The following NLGN1 variants were observed in gnomAD, a reference collection of about 807,000 sequenced individuals.
NLGN1 encodes the protein neuroligin-1.
A neutral mutation model predicts 65.5 loss-of-function variants in NLGN1; 12 were observed. The observed-to-expected ratio is 0.18, with a 90% CI of 0.12 to 0.30. The LOEUF is 0.30. Among genes scored for constraint, NLGN1 ranks in the 10% least tolerant of loss-of-function variants. NLGN1 has a pLI of 1.00. For synonymous variants in NLGN1, 350 were observed against 359.5 expected (o/e 0.97, Z 0.30); for missense variants, 750 against 1,007.1 (o/e 0.74, Z 3.46).
chr3:173,872,483 A>G (rs1731357097), intron 4 of NLGN1, among the ~76,000 whole-genome samples: 1 of 152,190 alleles, frequency 6.6e-6, no homozygotes, highest in East Asian at 1.9e-4. Flanking sequence ...TCTTGACAAA[A>G]CAAAGTTTTG....
intron 4 of NLGN1, among the ~76,000 whole-genome samples, chr3:174,164,241 TGAGAG>T (rs1727108787): frequency 1.3e-5 from 2 of 152,140 alleles, no homozygotes; most frequent in Non-Finnish European, 2.9e-5. Context: ...TGTCTTCTTT[TGAGAG>T]GTGTCTGTTC....
intron 4 of NLGN1, among the ~76,000 whole-genome samples, chr3:174,192,618 G>T (rs1450685514): frequency 6.6e-6 from 1 of 152,056 alleles, no homozygotes; most frequent in Non-Finnish European, 1.5e-5. Flanking sequence ...GTCCTGTCAC[G>T]ATTTACTGCT....
intron 2 of NLGN1, among the ~76,000 whole-genome samples, chr3:173,509,490 A>G (rs1192652729): frequency 3.3e-5 from 5 of 152,042 alleles, no homozygotes; most frequent in African/African-American, 2.4e-5. Flanking sequence ...GTGTGTGCCT[A>G]TAGTCTCTAC....
chr3:173,669,059 T>C, intron 3 of NLGN1, among the ~76,000 whole-genome samples: 1 of 152,220 alleles, frequency 6.6e-6, no homozygotes, highest in Admixed American at 6.5e-5. Flanking sequence ...ATGATTGTTA[T>C]GTTTGCATGC....
intron 3 of NLGN1, among the ~76,000 whole-genome samples, chr3:173,719,553 C>T (rs777626403): frequency 2.0e-5 from 3 of 152,044 alleles, no homozygotes; most frequent in African/African-American, 4.8e-5. Flanking sequence ...TGGGAGAAGG[C>T]GTCGTGTTGC....
chr3:173,542,921 A>G (rs1739138158), intron 2 of NLGN1, among the ~76,000 whole-genome samples: 2 of 152,100 alleles, frequency 1.3e-5, no homozygotes, highest in Non-Finnish European at 1.5e-5. Context: ...ACTGATGTCT[A>G]GAGTTCTGAG....
At chr3:174,076,718 AGAGAGAGTGTGTGT>A (rs1395156003) in intron 4 of NLGN1, among the ~76,000 whole-genome samples, 73 of 121,310 alleles carry the variant, frequency 6.0e-4, no homozygotes, top group African/African-American at 1.7e-3. Flanking sequence ...AGAGAGAGAG[AGAGAGAGTGTGTGT>A]GTGTGTGTGT....
In NLGN1 at chr3:173,813,386, A is replaced by C. The variant is rs543877479; in HGVS notation, c.646+5554A>C. 1.0e-3 allele frequency among the ~76,000 whole-genome samples: 156 copies of C among 152,332 alleles called. 1 individual carries two copies. Among genetic ancestry groups the C allele is most frequent in the African/African-American group, 3.4e-3 (143 of 41,570 alleles). On this transcript the variant is annotated intron_variant, in intron 4 of 6. Coordinates refer to ENST00000457714, the Ensembl canonical transcript of NLGN1. ...TTAAACAAATGTTAAATTTTATGCGATTGTAATATTCTACAACACATCCAA... is the reference window on the plus strand; with the variant it reads ...TTAAACAAATGTTAAATTTTATGCGCTTGTAATATTCTACAACACATCCAA...
intron 3 of NLGN1, among the ~76,000 whole-genome samples, chr3:173,671,229 G>A (rs1762403616): frequency 1.3e-5 from 2 of 152,208 alleles, no homozygotes; most frequent in Non-Finnish European, 2.9e-5. Flanking sequence ...GCCCAGGCAT[G>A]GTGGCTGAGG....
chr3:173,551,639 C>T (rs1275298086), intron 2 of NLGN1, among the ~76,000 whole-genome samples: 1 of 152,140 alleles, frequency 6.6e-6, no homozygotes, highest in East Asian at 1.9e-4. Context: ...TAATTACTTG[C>T]TTCAAGAGAA....
chr3:174,220,285 CTGAG>C (rs1738396499), intron 4 of NLGN1, among the ~76,000 whole-genome samples: 1 of 152,212 alleles, frequency 6.6e-6, no homozygotes, highest in Middle Eastern at 3.4e-3. Context: ...ATCAGATAAA[CTGAG>C]TGGACCAATA....
intron 2 of NLGN1, among the ~76,000 whole-genome samples, chr3:173,534,492 T>A (rs929385558): frequency 1.3e-5 from 2 of 152,158 alleles, no homozygotes; most frequent in African/African-American, 4.8e-5. Context: ...CATGGCACTT[T>A]GCTTATGCCG....
intron 4 of NLGN1, among the ~76,000 whole-genome samples, chr3:174,113,089 A>G (rs2152623337): frequency 6.6e-6 from 1 of 152,098 alleles, no homozygotes; most frequent in African/African-American, 2.4e-5. Flanking sequence ...AAGGAAGAAG[A>G]GGCTACTTAA....
At chr3:174,286,231 C>T (rs1418793431) in exon 7 of NLGN1, 4 of 151,352 alleles carry the variant, frequency 2.6e-5, no homozygotes, top group Non-Finnish European at 5.9e-5. Context: ...TTACAAATGA[C>T]ATTGTATAAC....
At position 174,212,036 on chromosome 3, in the gene NLGN1, G is replaced by A. The variant is rs192433760; in HGVS notation, c.647-63279G>A. 1.8e-4 allele frequency among the ~76,000 whole-genome samples: 28 copies of A among 152,264 alleles called. No homozygotes were observed. The East Asian group carries it at 4.7e-3, about 25-fold the overall frequency. ...ATGGAGCAGGGGGTGGTGTTCGCCC[G>A]GGAGGCTCGGGCTGCACAGGAACCC... is the stretch of plus-strand genomic sequence containing the variant. On this transcript the variant is annotated intron_variant, in intron 4 of 6. Coordinates refer to ENST00000457714, the Ensembl canonical transcript of NLGN1.
At chr3:173,702,337 C>G (rs912692351) in intron 3 of NLGN1, among the ~76,000 whole-genome samples, 1 of 151,932 alleles carries the variant, frequency 6.6e-6, no homozygotes, top group African/African-American at 2.4e-5. Context: ...AGTTACTTCA[C>G]GACAAGAATT....
At chr3:174,195,615 G>A (rs899813950) in intron 4 of NLGN1, among the ~76,000 whole-genome samples, 6 of 152,136 alleles carry the variant, frequency 3.9e-5, no homozygotes, top group Admixed American at 2.6e-4. Context: ...CATAATCCAT[G>A]GCAGCCAATG....
intron 4 of NLGN1, among the ~76,000 whole-genome samples, chr3:174,146,108 C>T (rs1039881690): frequency 1.2e-4 from 14 of 119,742 alleles, no homozygotes; most frequent in Admixed American, 9.2e-4. Flanking sequence ...TTCCTTCCTT[C>T]CTTCCTTCCT....
intron 2 of NLGN1, among the ~76,000 whole-genome samples, chr3:173,440,894 T>C (rs1050566214): frequency 6.6e-6 from 1 of 152,196 alleles, no homozygotes; most frequent in Non-Finnish European, 1.5e-5. Flanking sequence ...TCTCTAGCTA[T>C]GAAAGTCTTA....
Sources: allele counts gnomAD v4.1 joint callset (sites outside exome capture counted in the v4.1 genomes callset), GRCh38; gene constraint gnomAD v4.1.1; transcripts MANE v1.5; gene names NCBI Gene and HGNC (gene_info 2026-07-23, HGNC 2026-07-21).